Variants in SMYD3 observed in about 807,000 individuals in gnomAD.
The protein encoded by SMYD3 is histone-lysine N-methyltransferase SMYD3.
In SMYD3, 36 loss-of-function variants were observed where a neutral mutation model predicts 57.7. The ratio of observed to expected loss-of-function variants is 0.62; its 90% confidence interval spans 0.48 to 0.82. SMYD3 has a LOEUF of 0.82. SMYD3 is among the 40% of genes least tolerant of loss of function. SMYD3 has a pLI of 0.00. For missense variants in SMYD3, 515 were observed against 538.8 expected, an observed-to-expected ratio of 0.96 and a Z score of 0.44; for synonymous variants, 211 against 195.0, an observed-to-expected ratio of 1.08 and a Z score of -0.68.
chr1:245,912,160 G>A (rs1577989), intron 8 of SMYD3, among the ~76,000 whole-genome samples: 105,846 of 152,012 alleles, frequency 0.7, 41,562 homozygotes, highest in Non-Finnish European at 0.89. Context: ...CAGTAAAGCT[G>A]CAAGATACAA....
chr1:246,314,590 TG>T (rs1490757338), intron 5 of SMYD3, among the ~76,000 whole-genome samples: 1 of 152,202 alleles, frequency 6.6e-6, no homozygotes, highest in Non-Finnish European at 1.5e-5. Context: ...GATCTGTTGA[TG>T]TAAGACAGGT....
intron 1 of SMYD3, among the ~76,000 whole-genome samples, chr1:246,377,432 C>G (rs994899097): frequency 6.6e-5 from 10 of 150,804 alleles, no homozygotes; most frequent in African/African-American, 2.4e-4. Context: ...TGCAATGACG[C>G]CATCTCAGCT....
At chr1:245,935,100 A>G (rs969859965) in intron 5 of SMYD3, among the ~76,000 whole-genome samples, 8 of 152,254 alleles carry the variant, frequency 5.3e-5, no homozygotes, top group African/African-American at 1.9e-4. Flanking sequence ...AGCACAGGAA[A>G]TGGTCAAGAA....
At chr1:245,854,836 T>A (rs2148465740) in intron 10 of SMYD3, among the ~76,000 whole-genome samples, 1 of 152,188 alleles carries the variant, frequency 6.6e-6, no homozygotes, top group Non-Finnish European at 1.5e-5. Context: ...GAAAGCAGAA[T>A]AAAAGGAATG....
At chr1:245,891,440 C>A (rs1047857444) in intron 8 of SMYD3, among the ~76,000 whole-genome samples, 1 of 152,214 alleles carries the variant, frequency 6.6e-6, no homozygotes, top group Non-Finnish European at 1.5e-5. Flanking sequence ...GGGAAATAAA[C>A]TGCAGAGACA....
At position 246,451,763 on chromosome 1, in the gene SMYD3, G is replaced by A. The variant is rs146830791; in HGVS notation, c.164+55291C>T. Among the ~76,000 whole-genome samples, 90 of 152,338 alleles carry A rather than the reference G, an allele frequency of 5.9e-4. No individual in the cohort carries two copies. The East Asian group carries it at 0.014, about 24-fold the overall frequency. On this transcript the variant is annotated intron_variant, in intron 1 of 11. Coordinates refer to ENST00000490107, the MANE Select transcript of SMYD3 (RefSeq NM_001167740.2). ...GGTCTATGCGAACTCTCTGTGCTAC[G>A]CACTCAATTTTGCTATGTAGTTAAA... is the stretch of plus-strand genomic sequence containing the variant.
intron 5 of SMYD3, among the ~76,000 whole-genome samples, chr1:246,164,488 C>G (rs2062173199): frequency 6.6e-6 from 1 of 152,122 alleles, no homozygotes; most frequent in African/African-American, 2.4e-5. Flanking sequence ...GATGGAATGC[C>G]TTAGAGATCT....
Position 246,233,254 on chromosome 1 carries a change from A to G in SMYD3, c.531+93947T>C, listed in dbSNP as rs1473591712. ...CACACAGAGGAGAAGCACTCCTTCA[A>G]TCCACACTGTGATGAATATATACCA... On this transcript the variant is annotated intron_variant, in intron 5 of 11. Transcript: ENST00000490107. Among the ~76,000 whole-genome samples, 6 of 106,010 alleles carry G rather than the reference A, an allele frequency of 5.7e-5. 2 individuals carry two copies. The highest frequency in any genetic ancestry group is 4.3e-4 in the Admixed American group (4 of 9,196). The allele number at this position is 106,010 out of a possible 152,430, so 69.5% of individuals were successfully genotyped here.
chr1:246,136,806 C>T (rs1054191608), intron 5 of SMYD3, among the ~76,000 whole-genome samples: 3 of 152,064 alleles, frequency 2.0e-5, no homozygotes, highest in African/African-American at 7.2e-5. Context: ...GCAGACAGTC[C>T]TAAATGTCAT....
At chr1:246,111,842 A>C (rs2061249502) in intron 5 of SMYD3, among the ~76,000 whole-genome samples, 1 of 152,252 alleles carries the variant, frequency 6.6e-6, no homozygotes, top group Admixed American at 6.5e-5. Context: ...TCTATGGCTA[A>C]TACAAGACCT....
chr1:245,753,674 C>T (rs548494296), intron 11 of SMYD3, among the ~76,000 whole-genome samples: 1 of 152,230 alleles, frequency 6.6e-6, no homozygotes, highest in East Asian at 1.9e-4. Flanking sequence ...CCTGTGTGGC[C>T]CTGGGCACAG....
At chr1:246,194,648 T>C (rs372536161) in intron 5 of SMYD3, among the ~76,000 whole-genome samples, 19 of 152,272 alleles carry the variant, frequency 1.2e-4, no homozygotes, top group African/African-American at 4.6e-4. Context: ...ATCCAAAAGG[T>C]AGTCACTAAC....
chr1:246,500,445 G>A (rs1051796280), intron 1 of SMYD3, among the ~76,000 whole-genome samples: 2 of 152,178 alleles, frequency 1.3e-5, no homozygotes, highest in Non-Finnish European at 2.9e-5. Flanking sequence ...CTTAGAGATG[G>A]TGGTATTACA....
At chr1:245,883,581 G>A (rs2052913287) in intron 8 of SMYD3, among the ~76,000 whole-genome samples, 1 of 152,004 alleles carries the variant, frequency 6.6e-6, no homozygotes, top group Non-Finnish European at 1.5e-5. Flanking sequence ...CTTTCTTTTG[G>A]GGTCCCAACG....
chr1:245,818,452 A>G lies in SMYD3; in HGVS notation c.1076+40044T>C, dbSNP rs2048977086. Reference sequence around the variant, plus strand: ...CCACTGCAAAATCATGCCAAAATGTAAAGACCATTGAGACTAGGAAGAAAC... The same window carrying G: ...CCACTGCAAAATCATGCCAAAATGTGAAGACCATTGAGACTAGGAAGAAAC... On this transcript the variant is annotated intron_variant, in intron 10 of 11. Coordinates refer to ENST00000490107, the MANE Select transcript of SMYD3 (RefSeq NM_001167740.2). Among the ~76,000 whole-genome samples the G allele has an allele frequency of 3.9e-5, 6 of 152,332 alleles. No homozygotes were observed. In the South Asian group the frequency reaches 1.2e-3, roughly 32 times the overall value.
Position 246,444,485 on chromosome 1 carries a change from T to C in SMYD3, c.164+62569A>G, listed in dbSNP as rs75043796. 8.5e-3 allele frequency among the ~76,000 whole-genome samples: 1,300 copies of C among 152,292 alleles called. 123 individuals are homozygous for C. The East Asian group carries it at 0.21, about 25-fold the overall frequency. ...GGTGAACCAGAGGATTTACACTCCC[T>C]GAAGCAATCAAATATTGTAAGATTT... is the stretch of plus-strand genomic sequence containing the variant. On this transcript the variant is annotated intron_variant, in intron 1 of 11. Coordinates refer to ENST00000490107, the MANE Select transcript of SMYD3 (RefSeq NM_001167740.2).
intron 1 of SMYD3, among the ~76,000 whole-genome samples, chr1:246,482,415 C>T (rs937165254): frequency 3.3e-5 from 5 of 152,152 alleles, no homozygotes; most frequent in African/African-American, 1.2e-4. Flanking sequence ...CTATCACATA[C>T]ATAAGCATCA....
intron 5 of SMYD3, among the ~76,000 whole-genome samples, chr1:246,258,039 T>C (rs1289096595): frequency 7.0e-6 from 1 of 143,082 alleles, no homozygotes; most frequent in African/African-American, 2.5e-5. Context: ...GTCTCAGGTA[T>C]TTCTTTTCTT....
At chr1:246,073,450 A>T (rs1319604504) in intron 5 of SMYD3, among the ~76,000 whole-genome samples, 1 of 152,160 alleles carries the variant, frequency 6.6e-6, no homozygotes, top group East Asian at 1.9e-4. Context: ...GAGCTAGTGA[A>T]TCACACCTAT....
Sources: allele counts gnomAD v4.1 joint callset (sites outside exome capture counted in the v4.1 genomes callset), GRCh38; gene constraint gnomAD v4.1.1; transcripts MANE v1.5; gene names NCBI Gene and HGNC (gene_info 2026-07-23, HGNC 2026-07-21).